NCS1: variants seen among roughly 807,000 people sequenced by gnomAD.
The protein encoded by NCS1 is neuronal calcium sensor 1, also known as frequenin homolog.
In NCS1, 6 loss-of-function variants were observed where a neutral mutation model predicts 28.4. That is an observed-to-expected ratio of 0.21 (90% confidence interval 0.12 to 0.42). The LOEUF is 0.42. NCS1 is among the 10% of genes least tolerant of loss of function. The probability of loss-of-function intolerance (pLI) is 1.00; values close to 1 mark genes in which losing one functional copy is unlikely to be tolerated. For missense variants in NCS1, 131 were observed against 241.4 expected (o/e 0.54, Z 3.03); for synonymous variants, 86 against 99.3 (o/e 0.87, Z 0.79).
chr9:130,193,723 G>C (rs1419585979), intron 1 of NCS1: 5 of 153,140 alleles, frequency 3.3e-5, no homozygotes, highest in Admixed American at 1.3e-4. Context: ...GTGTGAGCTG[G>C]GCGCTTGGAG....
chr9:130,197,997 C>T (rs1261167882), intron 1 of NCS1, among the ~76,000 whole-genome samples: 1 of 151,424 alleles, frequency 6.6e-6, no homozygotes, highest in Non-Finnish European at 1.5e-5. Context: ...CCCTCCAAGG[C>T]CCCAGGCAGT....
Position 130,232,149 on chromosome 9 carries a change from G to C in NCS1, c.*18-841G>C, listed in dbSNP as rs2131164917. 6.6e-6 allele frequency among the ~76,000 whole-genome samples: 1 copy of C among 152,232 alleles called. No homozygotes were observed. The highest frequency in any genetic ancestry group is 1.5e-5 in the Non-Finnish European group (1 of 68,018). On this transcript the variant is annotated intron_variant, in intron 7 of 7. Coordinates refer to ENST00000372398, the MANE Select transcript of NCS1 (RefSeq NM_014286.4). This position sits in a 1 kb window ranked among gnomAD's most constrained non-coding sequence, Gnocchi z 4.4. ...TTTGGTAGAGACCGGGTTTCACTGT[G>C]TTGGCCAAGCTGGTCTTGAACTCCT... is the stretch of plus-strand genomic sequence containing the variant.
In NCS1 at chr9:130,215,358, T is replaced by C. The variant is rs1833167106; in HGVS notation, c.90-2474T>C. On this transcript the variant is annotated intron_variant, in intron 2 of 7. Transcript: ENST00000372398. This position sits in a 1 kb window ranked among gnomAD's most constrained non-coding sequence, Gnocchi z 4.2. ...CCTTCCTCCTGCTGTGGGAAGGGAC[T>C]TGAGATCCGTGTGCTTTGCTTCCTT... 6.6e-6 allele frequency among the ~76,000 whole-genome samples: 1 copy of C among 152,186 alleles called. No homozygotes were observed. Among genetic ancestry groups the C allele is most frequent in the Non-Finnish European group, 1.5e-5 (1 of 68,028 alleles).
At chr9:130,206,568 C>T (rs1478185605) in intron 2 of NCS1, among the ~76,000 whole-genome samples, 1 of 152,056 alleles carries the variant, frequency 6.6e-6, no homozygotes, top group Non-Finnish European at 1.5e-5. Context: ...GCCACCATGC[C>T]CAGCTAATTT....
chr9:130,217,878 G>A lies in NCS1; in HGVS notation c.136G>A (p.Ala46Thr), dbSNP rs1554909607. ...CTGCCCCAGTGGGCAGCTGGATGCG[G>A]CAGGCTTCCAGAAGATCTACAAGCA... ...KDCPSGQLDA[A>T]GFQKIYKQFF... The change falls in exon 3 of 8, where the codon GCA (alanine) becomes ACA (threonine). Residue 46 changes from alanine (A) to threonine (T), a missense_variant. Physicochemically the swap from Ala to Thr is moderately conservative, Grantham distance 58. Coordinates refer to ENST00000372398, the MANE Select transcript of NCS1 (RefSeq NM_014286.4). The A allele has an allele frequency of 1.9e-6, 3 of 1,614,110 alleles. No homozygotes were observed. The highest frequency in any genetic ancestry group is 3.3e-5 in the Admixed American group (2 of 60,014).
At position 130,180,760 on chromosome 9, in the gene NCS1, C is replaced by T. The variant is rs534313773; in HGVS notation, c.64+8033C>T. ...TCTCCCAGGAAGGAGGCTGCTGGAC[C>T]GGCTGTATCAGGGACAGCCGTTCTT... is the stretch of plus-strand genomic sequence containing the variant. On this transcript the variant is annotated intron_variant, in intron 1 of 7. Coordinates refer to ENST00000372398, the MANE Select transcript of NCS1 (RefSeq NM_014286.4). This position sits in a 1 kb window ranked among gnomAD's most constrained non-coding sequence, Gnocchi z 4.5. Among the ~76,000 whole-genome samples the T allele has an allele frequency of 1.2e-4, 18 of 152,304 alleles. No homozygotes were observed. Among genetic ancestry groups the T allele is most frequent in the East Asian group, 3.9e-4 (2 of 5,172 alleles).
chr9:130,196,865 A>G (rs957425025), intron 1 of NCS1, among the ~76,000 whole-genome samples: 4 of 152,222 alleles, frequency 2.6e-5, no homozygotes, highest in Non-Finnish European at 5.9e-5. Flanking sequence ...AGCGACAGCC[A>G]TGATAACAGT....
At position 130,209,538 on chromosome 9, in the gene NCS1, G is replaced by T. The variant is rs1472170288; in HGVS notation, c.90-8294G>T. Among the ~76,000 whole-genome samples the T allele has an allele frequency of 6.6e-6, 1 of 152,206 alleles. No individual in the cohort carries two copies. The highest frequency in any genetic ancestry group is 1.5e-5 in the Non-Finnish European group (1 of 68,038). ...AGCACCTACTCTATGCCAGGCCAGT[G>T]CCGGTTGCGGGCGGGCATCCGGGAC... On this transcript the variant is annotated intron_variant, in intron 2 of 7. Transcript: ENST00000372398. The surrounding 1 kb of genome is among the most constrained non-coding windows in gnomAD (Gnocchi z 4.4).
chr9:130,172,792 GC>G, intron 1 of NCS1, 65 bp downstream of exon 1: 1 of 591,546 alleles, frequency 1.7e-6, no homozygotes, highest in Non-Finnish European at 2.1e-6. Context: ...CCCCGCCCCC[GC>G]CCCCCGGACC....
chr9:130,205,353 C>T (rs1823418903), intron 2 of NCS1, among the ~76,000 whole-genome samples: 2 of 151,914 alleles, frequency 1.3e-5, no homozygotes, highest in Non-Finnish European at 2.9e-5. Flanking sequence ...AGGCCCAGTG[C>T]TCACTGTGGG....
chr9:130,220,294 C>G (rs920405709), intron 4 of NCS1, among the ~76,000 whole-genome samples: 1 of 152,178 alleles, frequency 6.6e-6, no homozygotes, highest in African/African-American at 2.4e-5. Flanking sequence ...CAAATAACGA[C>G]TGAATGCAGC....
At chr9:130,178,830 G>A (rs1415176832) in intron 1 of NCS1, among the ~76,000 whole-genome samples, 1 of 103,214 alleles carries the variant, frequency 9.7e-6, no homozygotes. Flanking sequence ...AGTAGGACTT[G>A]GTTTCCCTCC....
At chr9:130,194,422 A>G (rs868953898) in intron 1 of NCS1, among the ~76,000 whole-genome samples, 5 of 136,110 alleles carry the variant, frequency 3.7e-5, no homozygotes, top group Middle Eastern at 3.8e-3. Flanking sequence ...GGCGAAGGCT[A>G]GGACCCACTC....
rs990900227 is a variant in NCS1, at chr9:130,192,548, G to A, written c.65-8410G>A. ...GCTGGGGGGCCTGGAGGTCTCAGGA[G>A]TTGACCTCTTTCGTGGGACAGAGAG... On this transcript the variant is annotated intron_variant, in intron 1 of 7. Coordinates refer to ENST00000372398, the MANE Select transcript of NCS1 (RefSeq NM_014286.4). The surrounding 1 kb of genome is among the most constrained non-coding windows in gnomAD (Gnocchi z 4.8). Among the ~76,000 whole-genome samples the A allele has an allele frequency of 1.3e-5, 2 of 152,128 alleles. No homozygotes were observed. Among genetic ancestry groups the A allele is most frequent in the African/African-American group, 4.8e-5 (2 of 41,432 alleles).
At chr9:130,228,075 C>T (rs142170836) in intron 7 of NCS1, among the ~76,000 whole-genome samples, 2,488 of 152,270 alleles carry the variant, frequency 0.016, 32 homozygotes, top group Admixed American at 0.045. Flanking sequence ...ATATGGCTGC[C>T]GGCTTCCCTC....
At chr9:130,201,383 G>T (rs1418284879) in intron 2 of NCS1, among the ~76,000 whole-genome samples, 1 of 152,206 alleles carries the variant, frequency 6.6e-6, no homozygotes, top group Non-Finnish European at 1.5e-5. Context: ...TTGGATCAGG[G>T]ATGGCAAATG....
chr9:130,218,739 C>T (rs111247098), intron 3 of NCS1, among the ~76,000 whole-genome samples: 10 of 152,184 alleles, frequency 6.6e-5, no homozygotes, highest in African/African-American at 2.4e-4. Context: ...TTACAGGCGC[C>T]GTCACCACAC....
Position 130,172,667 on chromosome 9 carries a change from G to T in NCS1, c.4G>T (p.Gly2Trp), listed in dbSNP as rs868926208. The change falls in exon 1 of 8, where the codon GGG becomes TGG. Residue 2 changes from glycine (G) to tryptophan (W), a missense_variant. Transcript: ENST00000372398. ...GCGGGGGCCGCGGCCGCCGAGGATGGGGAAATCCAACAGCAAGTTGAAGCC... is the reference window on the plus strand; with the variant it reads ...GCGGGGGCCGCGGCCGCCGAGGATGTGGAAATCCAACAGCAAGTTGAAGCC... M[G>W]KSNSKLKPEV... 2 of 1,493,726 alleles carry T rather than the reference G, an allele frequency of 1.3e-6. No individual in the cohort carries two copies. The highest frequency in any genetic ancestry group is 9.0e-7 in the Non-Finnish European group (1 of 1,114,156). 92.5% of individuals were successfully genotyped at this position (1,493,726 alleles called of 1,614,324 possible).
rs999990202 is a variant in NCS1, at chr9:130,181,713, C to T, written c.64+8986C>T. On this transcript the variant is annotated intron_variant, in intron 1 of 7. Coordinates refer to ENST00000372398, the MANE Select transcript of NCS1 (RefSeq NM_014286.4). This position sits in a 1 kb window ranked among gnomAD's most constrained non-coding sequence, Gnocchi z 5.0. ...GCCGCCATGGAGGTGTGCAGGTGAG[C>T]GTGAGCGGGCCCGGGTGCCTGGTGT... Among the ~76,000 whole-genome samples the T allele has an allele frequency of 5.9e-5, 9 of 152,110 alleles. No homozygotes were observed. The highest frequency in any genetic ancestry group is 2.0e-4 in the Admixed American group (3 of 15,278).
Sources: allele counts gnomAD v4.1 joint callset (sites outside exome capture counted in the v4.1 genomes callset), GRCh38; gene constraint gnomAD v4.1.1; non-coding constraint Gnocchi (gnomAD v3.1); transcripts MANE v1.5; gene names NCBI Gene and HGNC (gene_info 2026-07-23, HGNC 2026-07-21).